Variants in SLC35A1 observed in about 807,000 individuals in gnomAD.
SLC35A1 encodes the protein solute carrier family 35 member A1.
In SLC35A1, 21 loss-of-function variants were observed where a neutral mutation model predicts 40.3. The observed-to-expected ratio is 0.52, with a 90% CI of 0.37 to 0.75. The LOEUF (loss-of-function observed/expected upper bound fraction) is 0.75. Among genes scored for constraint, SLC35A1 ranks in the 30% least tolerant of loss-of-function variants. The pLI is 0.00. For synonymous variants in SLC35A1, 146 were observed against 147.3 expected (o/e 0.99, Z 0.06); for missense variants, 297 against 382.1 (o/e 0.78, Z 1.86).
intron 1 of SLC35A1, among the ~76,000 whole-genome samples, chr6:87,473,734 C>T (rs890476437): frequency 6.6e-6 from 1 of 152,154 alleles, no homozygotes; most frequent in East Asian, 1.9e-4. Flanking sequence ...TAATTGACTC[C>T]GCACCACTTT....
rs914212709 is a variant in SLC35A1 at position 87,500,602 on chromosome 6, G to C, written c.289G>C (p.Val97Leu). ...GTTGAAGTTAAGTGTGCCATCGTTAGTGTATGCTGTTCAGAACAACATGGC... is the reference window on the plus strand; with the variant it reads ...GTTGAAGTTAAGTGTGCCATCGTTACTGTATGCTGTTCAGAACAACATGGC... ...ELLKLSVPSL[V>L]YAVQNNMAFL... The change falls in exon 3 of 8, where the codon GTG becomes CTG. Residue 97 changes from valine (V) to leucine (L), a missense_variant. Physicochemically the swap from Val to Leu is conservative, Grantham distance 32 (BLOSUM62 1). Transcript: ENST00000369552. 1.2e-6 allele frequency: 2 copies of C among 1,614,146 alleles called. No individual in the cohort carries two copies. Among genetic ancestry groups the C allele is most frequent in the Non-Finnish European group, 1.7e-6 (2 of 1,180,008 alleles).
rs749579679 is a variant in SLC35A1, at chr6:87,484,013, G to A, written c.194+6474G>A. ...AGCAGGGTTGTCTGTGATCATTCAC[G>A]CACACACACATTCAGCCCTCCAGAC... On this transcript the variant is annotated intron_variant, in intron 2 of 7. Transcript: ENST00000369552. Among the ~76,000 whole-genome samples, 4 of 152,154 alleles carry A rather than the reference G, an allele frequency of 2.6e-5. No individual in the cohort carries two copies. The East Asian group carries it at 5.8e-4, about 22-fold the overall frequency.
chr6:87,503,338 G>A (rs1449904941), intron 4 of SLC35A1, among the ~76,000 whole-genome samples: 3 of 152,118 alleles, frequency 2.0e-5, no homozygotes, highest in Non-Finnish European at 4.4e-5. Flanking sequence ...TTATCTATAT[G>A]CCTGGCAAGT....
chr6:87,480,171 C>G (rs565804940), intron 2 of SLC35A1, among the ~76,000 whole-genome samples: 1 of 152,330 alleles, frequency 6.6e-6, no homozygotes, highest in Admixed American at 6.5e-5. Flanking sequence ...AATTTTTCCC[C>G]GTGTCGTTAG....
chr6:87,505,940 T>C (rs181743372), intron 4 of SLC35A1, among the ~76,000 whole-genome samples: 6 of 152,252 alleles, frequency 3.9e-5, no homozygotes, highest in East Asian at 1.9e-4. Flanking sequence ...ATTCAATAAA[T>C]TGGGGAGTCT....
Position 87,511,603 on chromosome 6 carries a change from T to C in SLC35A1, c.*77T>C, listed in dbSNP as rs967158945. ...AGAGCCTTAAGTCAATCTCAGAAGGTAGCATAAACAAATAAAAATTAACTG... is the reference window on the plus strand; with the variant it reads ...AGAGCCTTAAGTCAATCTCAGAAGGCAGCATAAACAAATAAAAATTAACTG... On this transcript the variant is annotated 3_prime_UTR_variant, in exon 8 of 8. Transcript: ENST00000369552. 1.0e-5 allele frequency: 15 copies of C among 1,489,992 alleles called. No homozygotes were observed. The highest frequency in any genetic ancestry group is 1.3e-5 in the Non-Finnish European group (14 of 1,068,048). 92.3% of individuals were successfully genotyped at this position (1,489,992 alleles called of 1,614,324 possible).
intron 6 of SLC35A1, 32 bp downstream of exon 6, chr6:87,508,628 G>T: frequency 6.4e-7 from 1 of 1,563,914 alleles, no homozygotes. Context: ...GTTCTTAGTA[G>T]ATCCTTTATT....
At chr6:87,502,507 T>C (rs1313828597) in intron 4 of SLC35A1, among the ~76,000 whole-genome samples, 4 of 152,220 alleles carry the variant, frequency 2.6e-5, no homozygotes, top group Non-Finnish European at 4.4e-5. Flanking sequence ...GTACAGTATA[T>C]AGCCTATTGT....
intron 1 of SLC35A1, among the ~76,000 whole-genome samples, chr6:87,477,042 A>AAT (rs1391468378): frequency 6.6e-6 from 1 of 152,084 alleles, no homozygotes; most frequent in South Asian, 2.1e-4. Context: ...CACCACCACC[A>AAT]ATATATATAT....
intron 2 of SLC35A1, among the ~76,000 whole-genome samples, chr6:87,483,561 G>A (rs1044922715): frequency 9.9e-5 from 15 of 152,094 alleles, no homozygotes; most frequent in Admixed American, 3.3e-4. Flanking sequence ...TGAAATTAGC[G>A]GAAGGCTCAA....
intron 1 of SLC35A1, among the ~76,000 whole-genome samples, chr6:87,475,233 C>G (rs953467103): frequency 9.2e-5 from 14 of 152,214 alleles, no homozygotes; most frequent in Non-Finnish European, 1.9e-4. Flanking sequence ...GCAATTTTCA[C>G]ATATCACAAG....
intron 7 of SLC35A1, 152 bp from the exon 8 acceptor site, chr6:87,511,247 G>T: frequency 3.9e-6 from 3 of 766,634 alleles, no homozygotes; most frequent in Non-Finnish European, 6.4e-6. Context: ...CTTTTTTTTG[G>T]CTGTAATGGA....
chr6:87,508,943 A>G, intron 6 of SLC35A1, 98 bp from the exon 7 acceptor site: 4 of 1,294,092 alleles, frequency 3.1e-6, no homozygotes, highest in Non-Finnish European at 4.5e-6. Context: ...TCCTTTTCCT[A>G]GGTAAAGTAT....
chr6:87,503,335 T>C (rs1007170185), intron 4 of SLC35A1, among the ~76,000 whole-genome samples: 2 of 152,218 alleles, frequency 1.3e-5, no homozygotes, highest in African/African-American at 4.8e-5. Context: ...GGCTTATCTA[T>C]ATGCCTGGCA....
At chr6:87,485,972 T>A (rs1769377354) in intron 2 of SLC35A1, among the ~76,000 whole-genome samples, 1 of 152,214 alleles carries the variant, frequency 6.6e-6, no homozygotes, top group South Asian at 2.1e-4. Context: ...AAACTATGAT[T>A]AAATGAAGTA....
chr6:87,473,413 T>C (rs1768976215), intron 1 of SLC35A1, among the ~76,000 whole-genome samples: 1 of 152,136 alleles, frequency 6.6e-6, no homozygotes, highest in Admixed American at 6.5e-5. Context: ...GGCTCCGGTC[T>C]CCTCTGCGCC....
rs1272070146 is a variant in SLC35A1 at position 87,501,329 on chromosome 6, A to G, written c.507+19A>G. ...AGTGGTGGTAAGAAACAAAATGCACACCATAACTTCCCATAAATAGAAAAC... is the reference window on the plus strand; with the variant it reads ...AGTGGTGGTAAGAAACAAAATGCACGCCATAACTTCCCATAAATAGAAAAC... On this transcript the variant is annotated intron_variant, in intron 4 of 7. Coordinates refer to ENST00000369552, the MANE Select transcript of SLC35A1 (RefSeq NM_006416.5). 1.2e-6 allele frequency: 2 copies of G among 1,610,136 alleles called. No homozygotes were observed.
At chr6:87,508,985 T>C (rs1770173076) in intron 6 of SLC35A1, 56 bp from the exon 7 acceptor site, 1 of 1,585,808 alleles carries the variant, frequency 6.3e-7, no homozygotes, top group African/African-American at 1.3e-5. Flanking sequence ...TGCCTCACCA[T>C]TATGTAATGT....
intron 2 of SLC35A1, among the ~76,000 whole-genome samples, chr6:87,489,439 C>A (rs1022981630): frequency 6.6e-6 from 1 of 152,034 alleles, no homozygotes; most frequent in Non-Finnish European, 1.5e-5. Flanking sequence ...ACGTGTCCAC[C>A]TCCCCTTAGA....
Sources: allele counts gnomAD v4.1 joint callset (sites outside exome capture counted in the v4.1 genomes callset), GRCh38; gene constraint gnomAD v4.1.1; transcripts MANE v1.5; gene names NCBI Gene and HGNC (gene_info 2026-07-23, HGNC 2026-07-21).